Variants in CDH13 observed in about 807,000 individuals in gnomAD.
CDH13 encodes cadherin-13.
A neutral mutation model predicts 63.8 loss-of-function variants in CDH13; 24 were observed. The ratio of observed to expected loss-of-function variants is 0.38; its 90% CI spans 0.27 to 0.53. The LOEUF (loss-of-function observed/expected upper bound fraction) is 0.53. Among genes scored for constraint, CDH13 ranks in the 20% least tolerant of loss-of-function variants. The pLI is 0.85. For synonymous variants in CDH13, 503 were observed against 355.3 expected, an observed-to-expected ratio of 1.42 and a Z score of -4.67; for missense variants, 1,049 against 903.1, an observed-to-expected ratio of 1.16 and a Z score of -2.07.
At chr16:82,686,768 T>C (rs1915114525) in intron 1 of CDH13, among the ~76,000 whole-genome samples, 1 of 152,222 alleles carries the variant, frequency 6.6e-6, no homozygotes, top group Admixed American at 6.5e-5. Context: ...GAAGAGCCTT[T>C]ATAAATGAGA....
Position 82,858,464 on chromosome 16 carries a change from A to G in CDH13, c.148A>G (p.Ile50Val), listed in dbSNP as rs368385910. 1.3e-6 allele frequency: 2 copies of G among 1,599,024 alleles called. No homozygotes were observed. Among genetic ancestry groups the G allele is most frequent in the Admixed American group, 1.7e-5 (1 of 59,968 alleles). Residue 50 changes from isoleucine to valine, a missense_variant, in exon 2 of 14, where the codon ATT (isoleucine) becomes GTT (valine). Transcript: ENST00000567109. ...QPAEFIEDQS[I>V]LNLTFSDCKG... ...AGCTGAATTCATTGAGGACCAGTCA[A>G]TTCTAAACTGTAAGCAATGTCACTC...
intron 1 of CDH13, among the ~76,000 whole-genome samples, chr16:82,852,369 G>A (rs935298226): frequency 1.3e-5 from 2 of 152,164 alleles, no homozygotes; most frequent in Admixed American, 6.5e-5. Context: ...CGGTTCTCCC[G>A]AGTAACTGTC....
At chr16:82,667,739 C>T (rs370409554) in intron 1 of CDH13, among the ~76,000 whole-genome samples, 1 of 152,022 alleles carries the variant, frequency 6.6e-6, no homozygotes. Context: ...TGGAGCCGCC[C>T]CCCGCCTCTC....
At chr16:83,214,110 C>T (rs866913838) in intron 4 of CDH13, among the ~76,000 whole-genome samples, 5 of 151,976 alleles carry the variant, frequency 3.3e-5, no homozygotes, top group Non-Finnish European at 5.9e-5. Context: ...CCTTCCACAC[C>T]GTGGAAGCTT....
intron 6 of CDH13, among the ~76,000 whole-genome samples, chr16:83,391,568 A>G (rs1019356976): frequency 3.9e-5 from 6 of 152,202 alleles, no homozygotes; most frequent in Admixed American, 3.9e-4. Flanking sequence ...AATTTAGAAT[A>G]GGAGGTCTAG....
At position 82,652,737 on chromosome 16, in the gene CDH13, A is replaced by G. The variant is rs148796921; in HGVS notation, c.45+25600A>G. On this transcript the variant is annotated intron_variant, in intron 1 of 13. Transcript: ENST00000567109. ...TTTTTTTTTTTTCTGGTTAAAACCA[A>G]TGACCTTTAAAGCCTTTTTATTTTT... Among the ~76,000 whole-genome samples the G allele has an allele frequency of 1.9e-3, 281 of 151,296 alleles. 1 individual carries two copies. Among genetic ancestry groups the G allele is most frequent in the African/African-American group, 6.4e-3 (263 of 41,144 alleles).
At chr16:83,062,208 A>G (rs1824875581) in intron 3 of CDH13, among the ~76,000 whole-genome samples, 1 of 152,228 alleles carries the variant, frequency 6.6e-6, no homozygotes, top group Non-Finnish European at 1.5e-5. Flanking sequence ...ACCTCTTCAG[A>G]GAAGCCTTCC....
At chr16:82,698,137 A>G (rs1464982412) in intron 1 of CDH13, among the ~76,000 whole-genome samples, 1 of 152,244 alleles carries the variant, frequency 6.6e-6, no homozygotes, top group Non-Finnish European at 1.5e-5. Context: ...AGGCCTAGGA[A>G]TACCATGTTC....
intron 5 of CDH13, among the ~76,000 whole-genome samples, chr16:83,314,392 A>C (rs989323499): frequency 2.0e-5 from 3 of 152,238 alleles, no homozygotes; most frequent in Admixed American, 1.3e-4. Flanking sequence ...CTAATCATTA[A>C]TAAGACAAGC....
rs1313370281 is a variant in CDH13, at chr16:83,010,147, A to C, written c.158-21863A>C. On this transcript the variant is annotated intron_variant, in intron 2 of 13. Coordinates refer to ENST00000567109, the MANE Select transcript of CDH13 (RefSeq NM_001257.5). ...CAAAACTCTGTCTCAAAAAAAAAAA[A>C]AAAAAAAAAAAAAAACAAGAATGGC... Among the ~76,000 whole-genome samples the C allele has an allele frequency of 4.1e-4, 61 of 148,040 alleles. 1 individual carries two copies. Among genetic ancestry groups the C allele is most frequent in the Admixed American group, 3.4e-3 (50 of 14,870 alleles).
chr16:83,152,692 C>T (rs2037035750), intron 4 of CDH13, among the ~76,000 whole-genome samples: 1 of 152,140 alleles, frequency 6.6e-6, no homozygotes, highest in Non-Finnish European at 1.5e-5. Flanking sequence ...GACAAACACG[C>T]TATGTGGTTG....
intron 1 of CDH13, chr16:82,639,271 C>A: frequency 1.2e-6 from 1 of 828,106 alleles, no homozygotes; most frequent in Non-Finnish European, 1.8e-6. Context: ...CCCTGGACTT[C>A]CTGTCTGGGC....
intron 2 of CDH13, among the ~76,000 whole-genome samples, chr16:82,994,476 A>G (rs938746159): frequency 4.6e-5 from 7 of 152,220 alleles, no homozygotes; most frequent in African/African-American, 1.7e-4. Context: ...CAAAGAGACC[A>G]TGGAGAGCGT....
chr16:83,337,676 T>C (rs1427591143), intron 5 of CDH13, among the ~76,000 whole-genome samples: 1 of 123,782 alleles, frequency 8.1e-6, no homozygotes, highest in African/African-American at 3.0e-5. Context: ...TGTAGTGTCA[T>C]GGAAGGAACT....
chr16:82,714,519 G>A (rs1477860434), intron 1 of CDH13, among the ~76,000 whole-genome samples: 2 of 151,792 alleles, frequency 1.3e-5, no homozygotes, highest in African/African-American at 4.8e-5. Context: ...TTCAAGACAA[G>A]CCTGGCCACC....
chr16:83,509,390 G>A (rs2074501544), intron 7 of CDH13, among the ~76,000 whole-genome samples: 2 of 152,244 alleles, frequency 1.3e-5, no homozygotes, highest in Non-Finnish European at 2.9e-5. Flanking sequence ...GGGCCAGATA[G>A]TAAGTATTTT....
At chr16:83,082,458 C>G (rs367873723) in intron 3 of CDH13, among the ~76,000 whole-genome samples, 224 of 151,782 alleles carry the variant, frequency 1.5e-3, no homozygotes, top group South Asian at 5.2e-3. Flanking sequence ...AACCCTGTAT[C>G]TACTAAAAAT....
At chr16:82,669,218 G>T (rs8058521) in intron 1 of CDH13, among the ~76,000 whole-genome samples, 1 of 151,956 alleles carries the variant, frequency 6.6e-6, no homozygotes. Flanking sequence ...AGCCTTTGGG[G>T]CATCATTGAA....
intron 4 of CDH13, among the ~76,000 whole-genome samples, chr16:83,193,345 C>G (rs1033519504): frequency 6.6e-6 from 1 of 152,082 alleles, no homozygotes; most frequent in Non-Finnish European, 1.5e-5. Context: ...TGTTCTCTGA[C>G]ACATAGATTA....
Sources: allele counts gnomAD v4.1 joint callset (sites outside exome capture counted in the v4.1 genomes callset), GRCh38; gene constraint gnomAD v4.1.1; transcripts MANE v1.5; gene names NCBI Gene and HGNC (gene_info 2026-07-23, HGNC 2026-07-21).